The following SNX29 variants were observed in gnomAD, a reference collection of about 807,000 sequenced individuals.
SNX29 encodes the protein sorting nexin-29.
SNX29 carries 78 observed loss-of-function variants against 102.1 expected under a neutral mutation model. That is an observed-to-expected ratio of 0.76 (90% confidence interval 0.64 to 0.92). SNX29 has a LOEUF of 0.92. Among genes scored for constraint, SNX29 ranks in the 40% least tolerant of loss-of-function variants. The pLI is 0.00. For synonymous variants in SNX29, 580 were observed against 414.5 expected, an observed-to-expected ratio of 1.40 and a Z score of -4.85; for missense variants, 1,280 against 1,061.7, an observed-to-expected ratio of 1.21 and a Z score of -2.86.
intron 18 of SNX29, among the ~76,000 whole-genome samples, chr16:12,463,320 G>A (rs577796852): frequency 2.0e-5 from 3 of 152,312 alleles, no homozygotes; most frequent in South Asian, 2.1e-4. Context: ...TCATGCTGCT[G>A]ATAAAGACAT....
chr16:12,534,734 C>T (rs1567665995), intron 20 of SNX29, among the ~76,000 whole-genome samples: 1 of 152,216 alleles, frequency 6.6e-6, no homozygotes, highest in Non-Finnish European at 1.5e-5. Context: ...CTGCCCCTTG[C>T]CCTACTAAAC....
At chr16:12,561,032 AC>A (rs1490516596) in intron 20 of SNX29, 1 of 221,916 alleles carries the variant, frequency 4.5e-6, no homozygotes, top group African/African-American at 2.2e-5. Flanking sequence ...AGTCTTGGAG[AC>A]CCATTTCAAA....
At chr16:12,134,993 C>T (rs2054608285) in intron 13 of SNX29, among the ~76,000 whole-genome samples, 1 of 152,140 alleles carries the variant, frequency 6.6e-6, no homozygotes, top group Non-Finnish European at 1.5e-5. Flanking sequence ...GCCAGAGAAC[C>T]TGTGGTGTAG....
At chr16:12,060,863 C>A in intron 8 of SNX29, 1 of 456,248 alleles carries the variant, frequency 2.2e-6, no homozygotes, top group Admixed American at 2.3e-5. Context: ...TATAACAGAT[C>A]ATATGAGCAT....
At chr16:12,562,296 C>CT (rs1466718492) in intron 20 of SNX29, among the ~76,000 whole-genome samples, 1 of 152,164 alleles carries the variant, frequency 6.6e-6, no homozygotes, top group Non-Finnish European at 1.5e-5. Flanking sequence ...CAGCATCAAA[C>CT]GTTATCGTTG....
chr16:12,450,103 G>A (rs1485160694), intron 18 of SNX29, among the ~76,000 whole-genome samples: 1 of 152,180 alleles, frequency 6.6e-6, no homozygotes, highest in Non-Finnish European at 1.5e-5. Context: ...CCATGTAAGA[G>A]GTGGCTTTGC....
At chr16:12,042,768 T>G (rs2049935052) in intron 4 of SNX29, 129 bp from the exon 5 acceptor site, 1 of 911,594 alleles carries the variant, frequency 1.1e-6, no homozygotes, top group Non-Finnish European at 1.7e-6. Context: ...TGGTGTTATC[T>G]CCTACCTTTT....
intron 20 of SNX29, among the ~76,000 whole-genome samples, chr16:12,544,004 A>G (rs999740632): frequency 3.3e-5 from 5 of 152,220 alleles, no homozygotes; most frequent in Non-Finnish European, 7.3e-5. Flanking sequence ...GGTTAAATGC[A>G]AAAGCCCTGG....
At chr16:12,161,606 T>C (rs142567514) in intron 13 of SNX29, among the ~76,000 whole-genome samples, 2 of 152,264 alleles carry the variant, frequency 1.3e-5, no homozygotes, top group Non-Finnish European at 2.9e-5. Flanking sequence ...TGATTCCTAA[T>C]GTCAGAGGTG....
intron 15 of SNX29, among the ~76,000 whole-genome samples, chr16:12,319,570 G>A (rs570003562): frequency 2.6e-5 from 4 of 152,298 alleles, no homozygotes; most frequent in African/African-American, 9.6e-5. Flanking sequence ...TTGAGTACCT[G>A]TTGGCGGTGA....
At chr16:12,030,380 T>C (rs1475225895) in intron 4 of SNX29, among the ~76,000 whole-genome samples, 2 of 152,320 alleles carry the variant, frequency 1.3e-5, no homozygotes, top group African/African-American at 4.8e-5. Context: ...CTGATCTTCA[T>C]CCATATGTGT....
chr16:12,199,576 T>A lies in SNX29; in HGVS notation c.1596-25T>A, dbSNP rs377176503. The A allele has an allele frequency of 5.7e-4, 897 of 1,586,036 alleles. 2 individuals are homozygous for A. Among genetic ancestry groups the A allele is most frequent in the South Asian group, 2.2e-3 (187 of 86,860 alleles). Reference sequence around the variant, plus strand: ...ACATTGTCACTTTTTAAATATATATTTTTTTAACATTCTTGTACCTGCAGA... The same window carrying A: ...ACATTGTCACTTTTTAAATATATATATTTTTAACATTCTTGTACCTGCAGA... On this transcript the variant is annotated intron_variant, in intron 13 of 20. Transcript: ENST00000566228.
chr16:12,538,599 G>A (rs1260026425), intron 20 of SNX29, among the ~76,000 whole-genome samples: 13 of 152,178 alleles, frequency 8.5e-5, no homozygotes, highest in Admixed American at 3.9e-4. Flanking sequence ...GGAATCAGTA[G>A]GTGGATGCAG....
At chr16:12,214,713 C>G (rs1422315054) in intron 14 of SNX29, among the ~76,000 whole-genome samples, 7 of 152,102 alleles carry the variant, frequency 4.6e-5, no homozygotes, top group Admixed American at 4.6e-4. Context: ...CCCTCCTTGT[C>G]TTCCCTGTGG....
At chr16:12,269,986 G>T (rs548716634) in intron 14 of SNX29, among the ~76,000 whole-genome samples, 1 of 151,936 alleles carries the variant, frequency 6.6e-6, no homozygotes, top group Non-Finnish European at 1.5e-5. Flanking sequence ...TCAGCCTTCC[G>T]AGTAGCTGGG....
In SNX29 at chr16:12,502,326, G is replaced by A. The variant is rs77526307; in HGVS notation, c.2179-22376G>A. On this transcript the variant is annotated intron_variant, in intron 19 of 20. Transcript: ENST00000566228. ...CCTCGCTGTGCCTCAGTGTCTTCAA[G>A]TTTCAAGACGGTGGCATCTCCCTTA... 0.014 allele frequency among the ~76,000 whole-genome samples: 2,175 copies of A among 152,276 alleles called. 114 individuals carry two copies. In the East Asian group the frequency reaches 0.19, roughly 13 times the overall value.
chr16:12,014,728 G>A (rs1320631808), intron 3 of SNX29, among the ~76,000 whole-genome samples: 9 of 113,874 alleles, frequency 7.9e-5, no homozygotes, highest in Non-Finnish European at 1.1e-4. Context: ...ATGAAGCTCC[G>A]TCTCAAAAAA....
chr16:12,180,485 T>C (rs1261408865), intron 13 of SNX29, among the ~76,000 whole-genome samples: 1 of 152,030 alleles, frequency 6.6e-6, no homozygotes, highest in Non-Finnish European at 1.5e-5. Context: ...GTTGCTTCTC[T>C]GTCTCTTTTT....
At chr16:12,434,052 C>T (rs1318710325) in intron 18 of SNX29, among the ~76,000 whole-genome samples, 2 of 152,124 alleles carry the variant, frequency 1.3e-5, no homozygotes, top group Non-Finnish European at 2.9e-5. Flanking sequence ...CTTGCCCAGA[C>T]CTAGATCAAG....
Sources: allele counts gnomAD v4.1 joint callset (sites outside exome capture counted in the v4.1 genomes callset), GRCh38; gene constraint gnomAD v4.1.1; transcripts MANE v1.5; gene names NCBI Gene and HGNC (gene_info 2026-07-23, HGNC 2026-07-21).